Variants in SSBP3 observed in about 807,000 individuals in gnomAD.
SSBP3 encodes the protein single stranded DNA binding protein 3.
In SSBP3, 5 loss-of-function variants were observed where a neutral mutation model predicts 69.6. That is an observed-to-expected ratio of 0.07 (90% CI 0.04 to 0.15). SSBP3 has a LOEUF of 0.15. Among genes scored for constraint, SSBP3 ranks in the 10% least tolerant of loss-of-function variants. The pLI, the probability that SSBP3 is intolerant of heterozygous loss-of-function variation, is 1.00. For synonymous variants in SSBP3, 196 were observed against 193.4 expected (o/e 1.01, Z -0.11); for missense variants, 312 against 534.0 (o/e 0.58, Z 4.10).
At chr1:54,281,324 T>C in intron 5 of SSBP3, 114 bp downstream of exon 5, 1 of 777,196 alleles carries the variant, frequency 1.3e-6, no homozygotes, top group Non-Finnish European at 2.0e-6. Flanking sequence ...ATAAAGCAAC[T>C]GTATTTAGAC....
At chr1:54,368,820 G>A (rs1246408875) in intron 4 of SSBP3, among the ~76,000 whole-genome samples, 1 of 152,156 alleles carries the variant, frequency 6.6e-6, no homozygotes, top group Non-Finnish European at 1.5e-5. Context: ...AGGCCTGGGG[G>A]CCCCCGTGGC....
At chr1:54,353,064 C>G (rs1646807763) in intron 4 of SSBP3, among the ~76,000 whole-genome samples, 1 of 152,200 alleles carries the variant, frequency 6.6e-6, no homozygotes, top group Admixed American at 6.5e-5. Context: ...GACCGTCATG[C>G]CATCCCCTTG....
intron 4 of SSBP3, among the ~76,000 whole-genome samples, chr1:54,361,295 T>C (rs1646948143): frequency 6.6e-6 from 1 of 152,198 alleles, no homozygotes; most frequent in Non-Finnish European, 1.5e-5. Flanking sequence ...ATTCACATCC[T>C]GTAACCTGGC....
intron 4 of SSBP3, among the ~76,000 whole-genome samples, chr1:54,306,161 C>T (rs1645897530): frequency 6.6e-6 from 1 of 152,102 alleles, no homozygotes; most frequent in Non-Finnish European, 1.5e-5. Context: ...CTACTATCCC[C>T]TATCCCCCAG....
chr1:54,351,522 A>G (rs1014383531), intron 4 of SSBP3, among the ~76,000 whole-genome samples: 1 of 152,088 alleles, frequency 6.6e-6, no homozygotes, highest in African/African-American at 2.4e-5. Context: ...GTTATAAATG[A>G]CTCCAGTCAC....
intron 4 of SSBP3, chr1:54,287,396 T>TGC (rs1322906896): frequency 1.3e-5 from 2 of 152,272 alleles, no homozygotes; most frequent in Admixed American, 1.3e-4. Context: ...CAACACAGGC[T>TGC]GCGTGGCCCA....
intron 4 of SSBP3, among the ~76,000 whole-genome samples, chr1:54,383,924 G>A (rs547561703): frequency 1.3e-5 from 2 of 152,148 alleles, no homozygotes; most frequent in African/African-American, 4.8e-5. Flanking sequence ...AGCTAACACA[G>A]CAAAACCCCA....
intron 4 of SSBP3, among the ~76,000 whole-genome samples, chr1:54,362,926 GGATGGAGGC>G (rs1322742701): frequency 6.6e-6 from 1 of 152,084 alleles, no homozygotes; most frequent in African/African-American, 2.4e-5. Flanking sequence ...CAATCTGACT[GGATGGAGGC>G]CTGGGAGATG....
At chr1:54,232,781 G>A (rs1015060543) in intron 14 of SSBP3, among the ~76,000 whole-genome samples, 8 of 152,212 alleles carry the variant, frequency 5.3e-5, no homozygotes, top group African/African-American at 1.7e-4. Flanking sequence ...ACGGGGTTTC[G>A]CTGTGTTGGC....
At position 54,314,916 on chromosome 1, in the gene SSBP3, A is replaced by G. The variant is rs546717845; in HGVS notation, c.277-33389T>C. ...TGGCCAACCTTCCTTGATAAGCAGG[A>G]AAGGGGGAAGGGAGCTGAAAATCCT... is the stretch of plus-strand genomic sequence containing the variant. On this transcript the variant is annotated intron_variant, in intron 4 of 17. Coordinates refer to ENST00000610401, the Ensembl canonical transcript of SSBP3. Among the ~76,000 whole-genome samples, 3 of 152,312 alleles carry G rather than the reference A, an allele frequency of 2.0e-5. No homozygotes were observed. In the East Asian group the frequency reaches 5.8e-4, roughly 29 times the overall value.
chr1:54,236,290 ATT>A (rs1462215053), intron 14 of SSBP3: 3 of 151,930 alleles, frequency 2.0e-5, no homozygotes, highest in Admixed American at 6.6e-5. Context: ...TAATGTTTGT[ATT>A]TTTTAGTAGA....
At chr1:54,315,327 C>T (rs1646076119) in intron 4 of SSBP3, among the ~76,000 whole-genome samples, 1 of 152,200 alleles carries the variant, frequency 6.6e-6, no homozygotes, top group East Asian at 1.9e-4. Context: ...GCCGCCTGTC[C>T]CTCCTCTCTT....
chr1:54,352,059 G>A (rs1183642033), intron 4 of SSBP3, among the ~76,000 whole-genome samples: 1 of 152,154 alleles, frequency 6.6e-6, no homozygotes, highest in African/African-American at 2.4e-5. Flanking sequence ...TACTTGGGAG[G>A]TCGAGGCAGG....
At chr1:54,231,114 C>T (rs563228369) in intron 14 of SSBP3, among the ~76,000 whole-genome samples, 4 of 152,304 alleles carry the variant, frequency 2.6e-5, no homozygotes, top group Admixed American at 1.3e-4. Flanking sequence ...TTCGAGGAAA[C>T]GTCAAACTGT....
intron 4 of SSBP3, among the ~76,000 whole-genome samples, chr1:54,367,078 C>T (rs912513755): frequency 6.6e-6 from 1 of 152,192 alleles, no homozygotes; most frequent in Non-Finnish European, 1.5e-5. Context: ...TACAGTGCCA[C>T]GCATACCAGA....
chr1:54,363,993 T>C (rs1646989595), intron 4 of SSBP3, among the ~76,000 whole-genome samples: 1 of 151,784 alleles, frequency 6.6e-6, no homozygotes, highest in African/African-American at 2.4e-5. Context: ...CAGGTGTTGG[T>C]CCCTAATTCA....
intron 4 of SSBP3, among the ~76,000 whole-genome samples, chr1:54,387,458 G>A (rs1219466800): frequency 2.0e-5 from 3 of 152,100 alleles, no homozygotes; most frequent in East Asian, 1.9e-4. Context: ...GGGCCTTCTC[G>A]GATTATTTTT....
intron 7 of SSBP3, among the ~76,000 whole-genome samples, chr1:54,256,156 C>T (rs1253391717): frequency 6.6e-6 from 1 of 152,008 alleles, no homozygotes; most frequent in African/African-American, 2.4e-5. Flanking sequence ...CAGGAGCCTT[C>T]TTGCAGAGCC....
intron 5 of SSBP3, among the ~76,000 whole-genome samples, chr1:54,261,194 C>T (rs189308104): frequency 6.6e-6 from 1 of 152,240 alleles, no homozygotes; most frequent in African/African-American, 2.4e-5. Context: ...GGGCAGAGAT[C>T]CGTGTTTGTG....
Sources: allele counts gnomAD v4.1 joint callset (sites outside exome capture counted in the v4.1 genomes callset), GRCh38; gene constraint gnomAD v4.1.1; transcripts MANE v1.5; gene names NCBI Gene and HGNC (gene_info 2026-07-23, HGNC 2026-07-21).